Variants in FBXL20 observed in about 807,000 individuals in gnomAD.
FBXL20 encodes F-box and leucine rich repeat protein 20, also known as F-box/LRR-repeat protein 20.
Under a neutral mutation model 64.0 loss-of-function variants are expected in FBXL20, and 11 were observed. That is an observed-to-expected ratio of 0.17 (90% CI 0.11 to 0.28). The LOEUF (loss-of-function observed/expected upper bound fraction) is 0.28. FBXL20 is among the 10% of genes least tolerant of loss of function. FBXL20 has a pLI of 1.00. For synonymous variants in FBXL20, 184 were observed against 189.0 expected (o/e 0.97, Z 0.22); for missense variants, 303 against 526.2 (o/e 0.58, Z 4.15).
chr17:39,333,375 G>A (rs919547401), intron 2 of FBXL20, among the ~76,000 whole-genome samples: 1 of 152,240 alleles, frequency 6.6e-6, no homozygotes, highest in Non-Finnish European at 1.5e-5. Context: ...TCCAGCTCCT[G>A]ACCGCGAGTG....
chr17:39,270,555 A>T (rs530927658), intron 11 of FBXL20, among the ~76,000 whole-genome samples: 1 of 152,212 alleles, frequency 6.6e-6, no homozygotes, highest in South Asian at 2.1e-4. Context: ...AAAAAATTTA[A>T]AAAAAATTGT....
At chr17:39,301,873 C>G (rs2047139174) in intron 3 of FBXL20, among the ~76,000 whole-genome samples, 1 of 151,992 alleles carries the variant, frequency 6.6e-6, no homozygotes, top group South Asian at 2.1e-4. Flanking sequence ...CTGGGTGACA[C>G]AGCAAGACCT....
chr17:39,291,678 A>C (rs2047040964), intron 6 of FBXL20, among the ~76,000 whole-genome samples: 1 of 151,842 alleles, frequency 6.6e-6, no homozygotes, highest in Non-Finnish European at 1.5e-5. Flanking sequence ...CAAGTGATCC[A>C]CCTGCGTCGG....
chr17:39,271,104 T>C (rs192781904), intron 10 of FBXL20, among the ~76,000 whole-genome samples: 108 of 152,296 alleles, frequency 7.1e-4, no homozygotes, highest in African/African-American at 1.0e-3. Flanking sequence ...AAGAATATAA[T>C]TGAAGCTTGT....
chr17:39,320,514 T>C (rs561545456), intron 2 of FBXL20, among the ~76,000 whole-genome samples: 1 of 152,030 alleles, frequency 6.6e-6, no homozygotes, highest in Non-Finnish European at 1.5e-5. Context: ...CTTTTGAATA[T>C]AACTTGTATT....
At chr17:39,363,653 T>C (rs932893415) in intron 1 of FBXL20, among the ~76,000 whole-genome samples, 1 of 150,828 alleles carries the variant, frequency 6.6e-6, no homozygotes, top group Non-Finnish European at 1.5e-5. Flanking sequence ...CTAGAAAAAA[T>C]TTTAAAAACT....
intron 2 of FBXL20, among the ~76,000 whole-genome samples, chr17:39,315,870 A>AGAGAGAGAGAGAGAGAGAGC (rs1267884348): frequency 2.9e-5 from 4 of 139,318 alleles, no homozygotes; most frequent in East Asian, 4.1e-4. Context: ...AGAGAGAGAG[A>AGAGAGAGAGAGAGAGAGAGC]GCAACTGTAG....
At chr17:39,302,375 T>C (rs1356563838) in intron 3 of FBXL20, among the ~76,000 whole-genome samples, 2 of 82,228 alleles carry the variant, frequency 2.4e-5, no homozygotes, top group African/African-American at 1.5e-4. Context: ...CGCATTTGGC[T>C]TTTTTTTTTT....
intron 6 of FBXL20, among the ~76,000 whole-genome samples, chr17:39,295,278 T>C (rs567884983): frequency 2.0e-5 from 3 of 152,298 alleles, no homozygotes; most frequent in East Asian, 1.9e-4. Flanking sequence ...CAAGGGGTTT[T>C]TTCTTTGAAC....
At chr17:39,304,780 C>G (rs2047167086) in intron 2 of FBXL20, among the ~76,000 whole-genome samples, 1 of 151,586 alleles carries the variant, frequency 6.6e-6, no homozygotes, top group Non-Finnish European at 1.5e-5. Flanking sequence ...TGTTGTTGTT[C>G]TTTTTGTTTG....
rs571712256 is a variant in FBXL20, at chr17:39,254,838, G to T, written c.*6622C>A. The stretch of plus-strand genomic sequence containing the variant: ...CATAAAACAGAAAGGACTATTGATA[G>T]GATTTTGCTTGTTCATGGTTCTTTG... On this transcript the variant is annotated 3_prime_UTR_variant, in exon 15 of 15. Coordinates refer to ENST00000264658, the MANE Select transcript of FBXL20 (RefSeq NM_032875.3). 1 of 154,270 alleles carries T rather than the reference G, an allele frequency of 6.5e-6. No homozygotes were observed. The highest frequency in any genetic ancestry group is 2.4e-5 in the African/African-American group (1 of 41,622). The allele number at this position is 154,270 out of a possible 1,614,324, so 9.6% of individuals were successfully genotyped here. A position where few individuals can be genotyped will look rare whatever the true frequency, so the allele number is the denominator to read the frequency against.
In FBXL20 at chr17:39,349,324, C is replaced by CA. The variant is rs1170336581; in HGVS notation, c.43-6084dup. Reference sequence around the variant, plus strand: ...TGGGCAACAGAGCAAGATTCCATCTCAAAAAAAAAAAAAAAAAAAAAAAAA... The same window carrying CA: ...TGGGCAACAGAGCAAGATTCCATCTCAAAAAAAAAAAAAAAAAAAAAAAAAA... On this transcript the variant is annotated intron_variant, in intron 1 of 14. Coordinates refer to ENST00000264658, the MANE Select transcript of FBXL20 (RefSeq NM_032875.3). 3.5e-3 allele frequency among the ~76,000 whole-genome samples: 140 copies of CA among 40,532 alleles called. 7 individuals carry two copies. The highest frequency in any genetic ancestry group is 4.2e-3 in the Admixed American group (10 of 2,392). 26.6% of individuals were successfully genotyped at this position (40,532 alleles called of 152,430 possible).
chr17:39,374,358 G>A (rs184382481), intron 1 of FBXL20, among the ~76,000 whole-genome samples: 6 of 151,394 alleles, frequency 4.0e-5, no homozygotes, highest in Admixed American at 6.6e-5. Flanking sequence ...GTGAAACCCC[G>A]TCTCTACTAA....
chr17:39,299,077 A>G lies in FBXL20; in HGVS notation c.242T>C (p.Val81Ala). ...ACATCGTTTTGAAATATTCTCCACT[A>G]CTCGGCCCTGTAAAATGAGACAGGC... The part of the protein sequence containing the change: ...FDFQRDIEGR[V>A]VENISKRCGG... Residue 81 changes from valine to alanine, a missense_variant, in exon 5 of 15, where the codon GTA becomes GCA. Val to Ala is a moderately conservative substitution (Grantham distance 64, BLOSUM62 0). Coordinates refer to ENST00000264658, the MANE Select transcript of FBXL20 (RefSeq NM_032875.3). 6.2e-7 allele frequency: 1 copy of G among 1,610,394 alleles called. No individual in the cohort carries two copies. The highest frequency in any genetic ancestry group is 8.5e-7 in the Non-Finnish European group (1 of 1,178,712).
chr17:39,259,147 T>A lies in FBXL20; in HGVS notation c.*2313A>T, dbSNP rs1383325095. 1 of 152,130 alleles carries A rather than the reference T, an allele frequency of 6.6e-6. No homozygotes were observed. Among genetic ancestry groups the A allele is most frequent in the Non-Finnish European group, 1.5e-5 (1 of 68,036 alleles). 9.4% of individuals were successfully genotyped at this position (152,130 alleles called of 1,614,324 possible). A position where few individuals can be genotyped will look rare whatever the true frequency, so the allele number is the denominator to read the frequency against. ...GACTTTATTCTTATATATGCTGGTA[T>A]AATCAGCAACTGCAGCATTAAAACA... On this transcript the variant is annotated 3_prime_UTR_variant, in exon 15 of 15. Transcript: ENST00000264658.
intron 1 of FBXL20, among the ~76,000 whole-genome samples, chr17:39,361,039 TA>T (rs1205190525): frequency 6.6e-6 from 1 of 152,196 alleles, no homozygotes; most frequent in African/African-American, 2.4e-5. Context: ...TACCTGATCC[TA>T]AAGTCAGTGC....
At chr17:39,393,354 T>C (rs949252130) in intron 1 of FBXL20, among the ~76,000 whole-genome samples, 8 of 152,020 alleles carry the variant, frequency 5.3e-5, no homozygotes, top group Non-Finnish European at 1.2e-4. Context: ...GCTTCCCCAG[T>C]TTTCACTTTG....
chr17:39,332,390 T>G (rs943483826), intron 2 of FBXL20, among the ~76,000 whole-genome samples: 1 of 152,150 alleles, frequency 6.6e-6, no homozygotes, highest in South Asian at 2.1e-4. Context: ...ATGGACAATA[T>G]TTCACATGTG....
At chr17:39,280,422 A>AAAG (rs2046939376) in intron 9 of FBXL20, among the ~76,000 whole-genome samples, 1 of 140,736 alleles carries the variant, frequency 7.1e-6, no homozygotes, top group Admixed American at 7.2e-5. Flanking sequence ...AAAAAAAAAA[A>AAAG]GTAGCTGGGT....
Sources: allele counts gnomAD v4.1 joint callset (sites outside exome capture counted in the v4.1 genomes callset), GRCh38; gene constraint gnomAD v4.1.1; transcripts MANE v1.5; gene names NCBI Gene and HGNC (gene_info 2026-07-23, HGNC 2026-07-21).